Variants in COL4A5 observed in about 807,000 individuals in gnomAD.
The protein encoded by COL4A5 is collagen alpha-5(IV) chain.
COL4A5 carries 26 observed loss-of-function variants against 130.2 expected under a neutral mutation model. The observed-to-expected ratio is 0.20, with a 90% CI of 0.15 to 0.28. COL4A5 has a LOEUF of 0.28. Among genes scored for constraint, COL4A5 ranks in the 10% least tolerant of loss-of-function variants. The pLI, the probability that COL4A5 is intolerant of heterozygous loss-of-function variation, is 1.00. For synonymous variants in COL4A5, 496 were observed against 439.6 expected, an observed-to-expected ratio of 1.13 and a Z score of -1.60; for missense variants, 1,131 against 1,344.3, an observed-to-expected ratio of 0.84 and a Z score of 2.48.
intron 1 of COL4A5, among the ~76,000 whole-genome samples, chrX:108,526,650 TTCTTTCTTTCTTCTTTCTTTC>T (rs1249070572): frequency 3.6e-4 from 22 of 61,849 alleles, no homozygotes; most frequent in African/African-American, 1.7e-3. Flanking sequence ...CTTTCTTTCT[TTCTTTCTTTCTTCTTTCTTTC>T]TCTTTCTTTC....
At chrX:108,492,855 G>C (rs1361726487) in intron 1 of COL4A5, among the ~76,000 whole-genome samples, 2 of 111,199 alleles carry the variant, frequency 1.8e-5, no homozygotes, top group Non-Finnish European at 3.8e-5. Flanking sequence ...GAAAATCATT[G>C]AGTCTTTTAT....
chrX:108,473,592 GTT>G (rs1255918759), intron 1 of COL4A5, among the ~76,000 whole-genome samples: 41 of 54,592 alleles, frequency 7.5e-4, no homozygotes, highest in African/African-American at 2.2e-3. Flanking sequence ...AGGATATAAA[GTT>G]TTATATATAT....
intron 36 of COL4A5, among the ~76,000 whole-genome samples, chrX:108,636,203 T>C (rs1005900736): frequency 1.8e-5 from 2 of 112,024 alleles, no homozygotes; most frequent in Admixed American, 9.5e-5. Context: ...CCCTATCTCA[T>C]ACTGTATACA....
At chrX:108,648,080 A>G (rs1030640258) in intron 36 of COL4A5, among the ~76,000 whole-genome samples, 1 of 110,840 alleles carries the variant, frequency 9.0e-6, no homozygotes, top group African/African-American at 3.3e-5. Context: ...TGGTATCAGG[A>G]TGATGCTGGC....
Position 108,485,702 on chromosome X carries a change from T to C in COL4A5, c.81+45496T>C, listed in dbSNP as rs1047422512. 4.5e-5 allele frequency among the ~76,000 whole-genome samples: 5 copies of C among 109,932 alleles called. No individual in the cohort carries two copies. In the Admixed American group the frequency reaches 4.9e-4, roughly 11 times the overall value. ...CCCAGACACAGGCAAAACTCCTCTT[T>C]ACTCTTCCCTCTCGTCTCCTCAAGT... is the stretch of plus-strand genomic sequence containing the variant. On this transcript the variant is annotated intron_variant, in intron 1 of 52. Transcript: ENST00000328300.
chrX:108,683,262 G>T (rs955721630), intron 47 of COL4A5, among the ~76,000 whole-genome samples: 4 of 111,184 alleles, frequency 3.6e-5, no homozygotes, highest in African/African-American at 1.3e-4. Flanking sequence ...TATCTGTTTC[G>T]GTACCAGTAC....
intron 1 of COL4A5, among the ~76,000 whole-genome samples, chrX:108,461,422 T>C (rs2147490980): frequency 9.0e-6 from 1 of 111,684 alleles, no homozygotes; most frequent in East Asian, 2.8e-4. Flanking sequence ...GCATTGTAAA[T>C]ATTATATTAC....
At chrX:108,474,429 A>C (rs931531977) in intron 1 of COL4A5, among the ~76,000 whole-genome samples, 1 of 112,014 alleles carries the variant, frequency 8.9e-6, no homozygotes, top group Non-Finnish European at 1.9e-5. Context: ...TAGAAGCAAT[A>C]GATTATACTA....
intron 16 of COL4A5, among the ~76,000 whole-genome samples, chrX:108,581,484 C>A (rs1367808872): frequency 9.0e-6 from 1 of 111,622 alleles, no homozygotes; most frequent in Non-Finnish European, 1.9e-5. Context: ...TCACCACCAC[C>A]ATAATCAAGA....
At chrX:108,501,291 C>A (rs185985135) in intron 1 of COL4A5, among the ~76,000 whole-genome samples, 29 of 111,601 alleles carry the variant, frequency 2.6e-4, no homozygotes, top group African/African-American at 9.4e-4. Flanking sequence ...TCCTTTTTTA[C>A]CCCATAATCC....
At position 108,670,226 on chromosome X, in the gene COL4A5, A is replaced by G; in HGVS notation, c.3791-2A>G. On this transcript the variant is annotated splice_acceptor_variant, in intron 41 of 52. Coordinates refer to ENST00000328300, the MANE Select transcript of COL4A5 (RefSeq NM_033380.3). LOFTEE classifies it high-confidence loss of function. Reference sequence around the variant, plus strand: ...CCTTGGTGAACTTTGATCCCTATCCAGGTCCTACAGGTTAGCTCCTTAACT... The same window carrying G: ...CCTTGGTGAACTTTGATCCCTATCCGGGTCCTACAGGTTAGCTCCTTAACT... 8.3e-7 allele frequency: 1 copy of G among 1,210,579 alleles called. No individual in the cohort carries two copies. Among genetic ancestry groups the G allele is most frequent in the Non-Finnish European group, 1.1e-6 (1 of 894,517 alleles).
rs1187490872 is a variant in COL4A5, at chrX:108,656,276, G to T, written c.3373+819G>T. On this transcript the variant is annotated intron_variant, in intron 37 of 52. Transcript: ENST00000328300. ...AAATCATACAGTGATCCTTGTATCT[G>T]GCTTTTTTCAGTCATCATTATGTGT... 7.2e-5 allele frequency among the ~76,000 whole-genome samples: 8 copies of T among 111,043 alleles called. No individual in the cohort carries two copies. The Admixed American group carries it at 7.7e-4, about 11-fold the overall frequency.
At chrX:108,622,562 T>C in intron 32 of COL4A5, 114 bp from the exon 33 acceptor site, 1 of 769,301 alleles carries the variant, frequency 1.3e-6, no homozygotes, top group Non-Finnish European at 2.0e-6. Flanking sequence ...GGTGCATAAA[T>C]GTTTTGAGTG....
Position 108,681,839 on chromosome X carries a change from G to A in COL4A5, c.4167G>A (p.Gln1389=). The A allele has an allele frequency of 8.3e-7, 1 of 1,210,516 alleles. No individual in the cohort carries two copies. The change falls in exon 47 of 53, where the codon CAG becomes CAA. Residue 1389 remains glutamine, a synonymous_variant. Coordinates refer to ENST00000328300, the MANE Select transcript of COL4A5 (RefSeq NM_033380.3). Reference sequence around the variant, plus strand: ...CTGGTCCTCCAGGAATCCCTGGCCAGCCTGGGCTAAAGGGTCTACCAGGAC... The same window carrying A: ...CTGGTCCTCCAGGAATCCCTGGCCAACCTGGGCTAAAGGGTCTACCAGGAC... ...GDAGPPGIPG[Q]PGLKGLPGPQ... is the part of the protein sequence containing the mutation.
At position 108,449,831 on chromosome X, in the gene COL4A5, C is replaced by T. The variant is rs750033577; in HGVS notation, c.81+9625C>T. The stretch of plus-strand genomic sequence containing the variant: ...TTCTCCCCGTGACATAATCATCTCC[C>T]AAAGGCCCCACCTCCTAATGCCATC... On this transcript the variant is annotated intron_variant, in intron 1 of 52. Coordinates refer to ENST00000328300, the MANE Select transcript of COL4A5 (RefSeq NM_033380.3). Among the ~76,000 whole-genome samples, 60 of 111,973 alleles carry T rather than the reference C, an allele frequency of 5.4e-4. 1 individual carries two copies. Among genetic ancestry groups the T allele is most frequent in the Non-Finnish European group, 5.8e-4 (31 of 53,195 alleles).
intron 1 of COL4A5, among the ~76,000 whole-genome samples, chrX:108,454,913 T>C (rs965600421): frequency 2.7e-5 from 3 of 111,915 alleles, no homozygotes; most frequent in African/African-American, 9.7e-5. Flanking sequence ...ACGCCTGGCC[T>C]ACTTCTATGA....
chrX:108,473,634 T>TATATATATATATATATATATA (rs1556359558), intron 1 of COL4A5, among the ~76,000 whole-genome samples: 2 of 22,927 alleles, frequency 8.7e-5, no homozygotes, highest in African/African-American at 2.1e-4. Flanking sequence ...TATATATATA[T>TATATATATATATATATATATA]TTTTTTTTTT....
At chrX:108,656,667 A>G (rs973161191) in intron 37 of COL4A5, among the ~76,000 whole-genome samples, 4 of 111,598 alleles carry the variant, frequency 3.6e-5, no homozygotes, top group Non-Finnish European at 5.7e-5. Context: ...CCTCACCATC[A>G]CTGGGCAGTG....
intron 36 of COL4A5, chrX:108,627,200 CTGTTA>C: frequency 1.6e-6 from 1 of 616,071 alleles, no homozygotes; most frequent in Non-Finnish European, 1.9e-6. Context: ...TTAATTTTCT[CTGTTA>C]TATTTATATT....
Sources: allele counts gnomAD v4.1 joint callset (sites outside exome capture counted in the v4.1 genomes callset), GRCh38; gene constraint gnomAD v4.1.1; transcripts MANE v1.5; gene names NCBI Gene and HGNC (gene_info 2026-07-23, HGNC 2026-07-21).